Variants in F13A1 observed in about 807,000 individuals in gnomAD.
The protein encoded by F13A1 is coagulation factor XIII A chain.
In F13A1, 47 loss-of-function variants were observed where a neutral mutation model predicts 80.1. The observed-to-expected ratio is 0.59, with a 90% confidence interval of 0.46 to 0.75. The LOEUF (loss-of-function observed/expected upper bound fraction) is 0.75. F13A1 is among the 30% of genes least tolerant of loss of function. The pLI is 0.00. For synonymous variants in F13A1, 349 were observed against 344.9 expected (o/e 1.01, Z -0.13); for missense variants, 817 against 930.4 (o/e 0.88, Z 1.59).
chr6:6,287,235 C>T (rs1051429627), intron 3 of F13A1, among the ~76,000 whole-genome samples: 2 of 152,184 alleles, frequency 1.3e-5, no homozygotes, highest in African/African-American at 4.8e-5. Context: ...TTTCCCCCAC[C>T]TTTTTCACCT....
At chr6:6,257,279 G>A (rs1311202387) in intron 4 of F13A1, among the ~76,000 whole-genome samples, 2 of 152,160 alleles carry the variant, frequency 1.3e-5, no homozygotes, top group Non-Finnish European at 2.9e-5. Context: ...TGTGTGTGCT[G>A]TGGCATACCA....
chr6:6,233,648 A>C (rs1480866769), intron 6 of F13A1, among the ~76,000 whole-genome samples: 2 of 152,128 alleles, frequency 1.3e-5, no homozygotes, highest in Non-Finnish European at 2.9e-5. Context: ...ATAACCAAAA[A>C]AGGAAACTAC....
At chr6:6,240,515 T>A (rs892285296) in intron 6 of F13A1, among the ~76,000 whole-genome samples, 1 of 152,116 alleles carries the variant, frequency 6.6e-6, no homozygotes, top group Non-Finnish European at 1.5e-5. Flanking sequence ...TGTGAATTAG[T>A]GGGGCCAGGC....
intron 4 of F13A1, among the ~76,000 whole-genome samples, chr6:6,265,170 G>T (rs190407742): frequency 9.8e-5 from 15 of 152,294 alleles, no homozygotes; most frequent in Non-Finnish European, 1.5e-4. Context: ...TAGATGAGTA[G>T]CAAATATTGT....
intron 10 of F13A1, among the ~76,000 whole-genome samples, chr6:6,190,061 C>G (rs550902869): frequency 4.6e-5 from 7 of 152,280 alleles, no homozygotes; most frequent in South Asian, 4.1e-4. Context: ...TTGAGCCTTG[C>G]TTTTCAGCTC....
intron 13 of F13A1, among the ~76,000 whole-genome samples, chr6:6,159,409 C>A (rs923940495): frequency 6.6e-6 from 1 of 152,146 alleles, no homozygotes; most frequent in African/African-American, 2.4e-5. Context: ...AGTTAGAACA[C>A]AACATTAGGA....
chr6:6,312,844 G>A (rs1459393704), intron 2 of F13A1, among the ~76,000 whole-genome samples: 2 of 152,058 alleles, frequency 1.3e-5, no homozygotes, highest in Non-Finnish European at 2.9e-5. Flanking sequence ...GAAAAGACAT[G>A]AGCAAGCTTA....
chr6:6,172,274 T>C (rs1193852197), intron 12 of F13A1, among the ~76,000 whole-genome samples: 1 of 90,562 alleles, frequency 1.1e-5, no homozygotes, highest in African/African-American at 4.5e-5. Context: ...ACATCCAGAA[T>C]TGTCTATTTG....
chr6:6,288,780 A>G (rs1485199375), intron 3 of F13A1, among the ~76,000 whole-genome samples: 1 of 152,230 alleles, frequency 6.6e-6, no homozygotes, highest in Non-Finnish European at 1.5e-5. Context: ...AATAGTGTAT[A>G]GGGTTCTCTA....
intron 13 of F13A1, among the ~76,000 whole-genome samples, chr6:6,154,491 G>A (rs1392126420): frequency 6.6e-6 from 1 of 152,200 alleles, no homozygotes; most frequent in Admixed American, 6.6e-5. Flanking sequence ...CATCCCTGGT[G>A]TCTACCCACT....
intron 8 of F13A1, among the ~76,000 whole-genome samples, chr6:6,217,661 T>C (rs1757121541): frequency 6.6e-6 from 1 of 152,026 alleles, no homozygotes; most frequent in Admixed American, 6.5e-5. Flanking sequence ...ACATGTACCC[T>C]AAAACTTAAA....
At chr6:6,228,854 C>T (rs905823289) in intron 6 of F13A1, among the ~76,000 whole-genome samples, 3 of 151,240 alleles carry the variant, frequency 2.0e-5, no homozygotes, top group Non-Finnish European at 4.4e-5. Flanking sequence ...GATTCTGGAA[C>T]ACAATTGGGA....
At chr6:6,209,804 T>C (rs1385612247) in intron 8 of F13A1, among the ~76,000 whole-genome samples, 4 of 152,106 alleles carry the variant, frequency 2.6e-5, no homozygotes, top group Non-Finnish European at 5.9e-5. Flanking sequence ...GGCAAATCCA[T>C]AGAGAGAGAA....
chr6:6,269,230 T>G (rs1051087482), intron 3 of F13A1, among the ~76,000 whole-genome samples: 2 of 152,062 alleles, frequency 1.3e-5, no homozygotes, highest in African/African-American at 4.8e-5. Context: ...CTTTGCTTCT[T>G]CTACAAAATG....
chr6:6,311,798 A>G (rs1022864610), intron 2 of F13A1, among the ~76,000 whole-genome samples: 2 of 145,160 alleles, frequency 1.4e-5, no homozygotes, highest in African/African-American at 2.5e-5. Flanking sequence ...ATCTTTATAT[A>G]TTATATATTG....
chr6:6,151,973 T>C, intron 13 of F13A1, 24 bp from the exon 14 acceptor site: 3 of 1,613,612 alleles, frequency 1.9e-6, no homozygotes, highest in Non-Finnish European at 2.5e-6. Context: ...TGCAGGTCAT[T>C]AGCACCAAAT....
intron 13 of F13A1, among the ~76,000 whole-genome samples, chr6:6,153,223 T>C (rs910589811): frequency 6.6e-6 from 1 of 152,208 alleles, no homozygotes; most frequent in East Asian, 1.9e-4. Context: ...TTAGCCACTA[T>C]ATAATATGGG....
chr6:6,218,436 C>G (rs534992248), intron 8 of F13A1, among the ~76,000 whole-genome samples: 1 of 152,198 alleles, frequency 6.6e-6, no homozygotes, highest in African/African-American at 2.4e-5. Context: ...GCCTTCCCCC[C>G]AGAGGTTACA....
chr6:6,169,787 T>C (rs1321175880), intron 12 of F13A1, among the ~76,000 whole-genome samples: 1 of 152,182 alleles, frequency 6.6e-6, no homozygotes. Context: ...TCAATGGTGC[T>C]GAAACCAAGA....
Sources: allele counts gnomAD v4.1 joint callset (sites outside exome capture counted in the v4.1 genomes callset), GRCh38; gene constraint gnomAD v4.1.1; transcripts MANE v1.5; gene names NCBI Gene and HGNC (gene_info 2026-07-23, HGNC 2026-07-21).